Variants in PNPLA7 observed in about 807,000 individuals in gnomAD.
The protein encoded by PNPLA7 is patatin-like phospholipase domain-containing protein 7.
PNPLA7 carries 153 observed loss-of-function variants against 161.7 expected under a neutral mutation model. That is an observed-to-expected ratio of 0.95 (90% CI 0.83 to 1.08). The LOEUF is 1.08. Among genes scored for constraint, PNPLA7 ranks in the 50% least tolerant of loss-of-function variants. PNPLA7 has a pLI of 0.00. For synonymous variants in PNPLA7, 809 were observed against 782.1 expected (o/e 1.03, Z -0.57); for missense variants, 1,739 against 1,856.6 (o/e 0.94, Z 1.16).
chr9:137,508,992 C>T (rs1273336299), intron 12 of PNPLA7: 1 of 152,398 alleles, frequency 6.6e-6, no homozygotes, highest in African/African-American at 2.4e-5. Flanking sequence ...AGGCAGCCTC[C>T]ACTGCACGCC....
intron 25 of PNPLA7, among the ~76,000 whole-genome samples, chr9:137,477,442 A>G (rs1831990265): frequency 6.6e-6 from 1 of 152,192 alleles, no homozygotes; most frequent in South Asian, 2.1e-4. Context: ...GCAAAGGGCC[A>G]ACAAGCAACC....
Position 137,463,471 on chromosome 9 carries a change from C to A in PNPLA7, c.3287G>T (p.Cys1096Phe). The A allele has an allele frequency of 6.3e-7, 1 of 1,595,444 alleles. No individual in the cohort carries two copies. ...MSLSGYMPPL[C>F]DPKDGHLLMD... Reference sequence around the variant, plus strand: ...CAGCAGGTGTCCGTCCTTCGGGTCACAGAGAGGGGGCATGTAACCGGACAG... The same window carrying A: ...CAGCAGGTGTCCGTCCTTCGGGTCAAAGAGAGGGGGCATGTAACCGGACAG... Residue 1096 changes from cysteine to phenylalanine, a missense_variant, in exon 29 of 35, where the codon TGT (cysteine) becomes TTT (phenylalanine). Cys to Phe is a radical substitution (Grantham distance 205). Around this residue, in one of 6 missense-constraint regions of PNPLA7, gnomAD observed 703 missense variants for 694.6 expected, o/e 1.01. Transcript: ENST00000406427.
intron 8 of PNPLA7, among the ~76,000 whole-genome samples, chr9:137,526,536 C>G (rs1027827148): frequency 6.6e-6 from 1 of 152,198 alleles, no homozygotes; most frequent in Non-Finnish European, 1.5e-5. Context: ...CTCAGCCTCC[C>G]AAAGTGCTGG....
chr9:137,530,962 G>A (rs934851726), intron 8 of PNPLA7, among the ~76,000 whole-genome samples: 1 of 152,134 alleles, frequency 6.6e-6, no homozygotes, highest in Non-Finnish European at 1.5e-5. Context: ...GGCCTGCTGC[G>A]GGCCCCGCAC....
At chr9:137,503,931 AGAAGAAGAAG>A (rs1833728912) in intron 14 of PNPLA7, among the ~76,000 whole-genome samples, 2 of 3,696 alleles carry the variant, frequency 5.4e-4, no homozygotes, top group Non-Finnish European at 1.2e-3. Context: ...AGAAGAAGGA[AGAAGAAGAAG>A]GAAGAATGAA....
Position 137,493,038 on chromosome 9 carries a change from G to C in PNPLA7, c.2172C>G (p.Gly724=). The change falls in exon 20 of 35, where the codon GGC becomes GGG. Residue 724 remains glycine (G), a synonymous_variant. Transcript: ENST00000406427. ...CTGTCACAGGTCCCTGCTGGAGGCT[G>C]CCCAGGATCTTCTCACCCAAGAGAT... ...LIHLLGEKIL[G]SLQQGPVTGH... The C allele has an allele frequency of 6.2e-7, 1 of 1,613,826 alleles. No homozygotes were observed. The highest frequency in any genetic ancestry group is 8.5e-7 in the Non-Finnish European group (1 of 1,179,998).
rs944084095 is a variant in PNPLA7, at chr9:137,541,046, C to T, written c.667-324G>A. Among the ~76,000 whole-genome samples, 8 of 152,186 alleles carry T rather than the reference C, an allele frequency of 5.3e-5. No individual in the cohort carries two copies. The highest frequency in any genetic ancestry group is 2.1e-4 in the South Asian group (1 of 4,830). ...GAGCTAACTATAAGGACTCCGAGGA[C>T]CGATTCAGTTATTACCAGCCTAAAT... On this transcript the variant is annotated intron_variant, in intron 7 of 34. Transcript: ENST00000406427. The surrounding 1 kb of genome is among the most constrained non-coding windows in gnomAD (Gnocchi z 4.4).
Position 137,462,293 on chromosome 9 carries a change from G to C in PNPLA7, c.3531C>G (p.Tyr1177Ter), listed in dbSNP as rs749162838. The C allele has an allele frequency of 4.3e-6, 7 of 1,611,464 alleles. No individual in the cohort carries two copies. Among genetic ancestry groups the C allele is most frequent in the Non-Finnish European group, 5.9e-6 (7 of 1,179,114 alleles). ...CCTCCAGCTGCCGCACGCAACACAC[G>C]TAGGCCAGGCGCGTCTGAATCTCTG... ...NMAEIQTRLA[Y>*]VCCVRQLEVV... The change falls in exon 31 of 35, where the codon TAC becomes TAG. Residue 1177 changes from tyrosine to a stop codon, truncating the protein, a stop_gained. Coordinates refer to ENST00000406427, the MANE Select transcript of PNPLA7 (RefSeq NM_001098537.3). LOFTEE classifies it high-confidence loss of function.
At position 137,547,805 on chromosome 9, in the gene PNPLA7, C is replaced by CG; in HGVS notation, c.31-147dup. 1.3e-6 allele frequency: 1 copy of CG among 762,034 alleles called. No homozygotes were observed. The highest frequency in any genetic ancestry group is 2.2e-6 in the Non-Finnish European group (1 of 455,854). 47.2% of individuals were successfully genotyped at this position (762,034 alleles called of 1,614,324 possible). The stretch of plus-strand genomic sequence containing the variant: ...GAAGAAGTGATCTCGCCCGGGGTGC[C>CG]GGGGTCCTCTGAGCCCCCTGCTAGG... On this transcript the variant is annotated intron_variant, in intron 1 of 34. Transcript: ENST00000406427. The surrounding 1 kb of genome is among the most constrained non-coding windows in gnomAD (Gnocchi z 4.6).
chr9:137,462,280 G>T lies in PNPLA7; in HGVS notation c.3544C>A (p.Arg1182=). 6.2e-7 allele frequency: 1 copy of T among 1,611,808 alleles called. No homozygotes were observed. Residue 1182 remains arginine, a synonymous_variant, in exon 31 of 35, where the codon CGG becomes AGG. Coordinates refer to ENST00000406427, the MANE Select transcript of PNPLA7 (RefSeq NM_001098537.3). ...QTRLAYVCCV[R]QLEVVKSSDY... is the part of the protein sequence containing the mutation. ...CTGCTCTTCACCACCTCCAGCTGCC[G>T]CACGCAACACACGTAGGCCAGGCGC... is the stretch of plus-strand genomic sequence containing the variant.
chr9:137,540,707 C>G lies in PNPLA7; in HGVS notation c.682G>C (p.Val228Leu), dbSNP rs1836149925. 1.2e-6 allele frequency: 2 copies of G among 1,611,036 alleles called. No individual in the cohort carries two copies. The change falls in exon 8 of 35, where the codon GTG (valine) becomes CTG (leucine). Residue 228 changes from valine (V) to leucine (L), a missense_variant. By Grantham distance (32) the Val-to-Leu change is conservative. Around this residue, in one of 6 missense-constraint regions of PNPLA7, gnomAD observed 152 missense variants for 193.5 expected, o/e 0.79. Transcript: ENST00000406427. The surrounding 1 kb of genome is among the most constrained non-coding windows in gnomAD (Gnocchi z 5.1). ...TCTCCCGCCAGAACCTCTTTCACCA[C>G]CACCTCGGTGCCGTCCTGCGCTTGG... Reference protein sequence around the residue: ...CIQDTDGTEVVVKEVLAGDSV... With the variant: ...CIQDTDGTEVLVKEVLAGDSV...
In PNPLA7 at chr9:137,464,118, G is replaced by A. The variant is rs1831352201; in HGVS notation, c.3226+8C>T. On this transcript the variant is annotated splice_region_variant and intron_variant, in intron 28 of 34. Transcript: ENST00000406427. ...CAAGCGGCCGCCCTGCGCAGCAGGA[G>A]TGCTCACCGTCGGTGTGGACCCGCA... 3.1e-6 allele frequency: 5 copies of A among 1,613,136 alleles called. No individual in the cohort carries two copies. Among genetic ancestry groups the A allele is most frequent in the Non-Finnish European group, 4.2e-6 (5 of 1,179,776 alleles).
At position 137,461,632 on chromosome 9, in the gene PNPLA7, G is replaced by C. The variant is rs773165166; in HGVS notation, c.3757-12C>G. Reference sequence around the variant, plus strand: ...GGACAGGTGAGGACCTAGGGGTGGGGTGAGGACAGCACGTTGCCTGTGGAC... The same window carrying C: ...GGACAGGTGAGGACCTAGGGGTGGGCTGAGGACAGCACGTTGCCTGTGGAC... On this transcript the variant is annotated splice_polypyrimidine_tract_variant and intron_variant, in intron 32 of 34. Coordinates refer to ENST00000406427, the MANE Select transcript of PNPLA7 (RefSeq NM_001098537.3). The C allele has an allele frequency of 6.2e-7, 1 of 1,603,094 alleles. No individual in the cohort carries two copies. The highest frequency in any genetic ancestry group is 2.2e-5 in the East Asian group (1 of 44,640).
rs749162838 is a variant in PNPLA7 at position 137,462,293 on chromosome 9, G to T, written c.3531C>A (p.Tyr1177Ter). 6.2e-7 allele frequency: 1 copy of T among 1,611,464 alleles called. No individual in the cohort carries two copies. The highest frequency in any genetic ancestry group is 1.3e-5 in the African/African-American group (1 of 75,028). Reference sequence around the variant, plus strand: ...CCTCCAGCTGCCGCACGCAACACACGTAGGCCAGGCGCGTCTGAATCTCTG... The same window carrying T: ...CCTCCAGCTGCCGCACGCAACACACTTAGGCCAGGCGCGTCTGAATCTCTG... ...NMAEIQTRLA[Y>*]VCCVRQLEVV... The change falls in exon 31 of 35, where the codon TAC (tyrosine) becomes TAA (stop). Residue 1177 changes from tyrosine (Y) to a stop codon, truncating the protein, a stop_gained. Coordinates refer to ENST00000406427, the MANE Select transcript of PNPLA7 (RefSeq NM_001098537.3). LOFTEE classifies it high-confidence loss of function.
At position 137,519,982 on chromosome 9, in the gene PNPLA7, T is replaced by C. The variant is rs770502635; in HGVS notation, c.1019A>G (p.Gln340Arg). ...CCGCTCTTCTTCGCCATAGAACACC[T>C]GCTTCTTGGCCTTCCCGGCAGCCAC... ...ASVAAGKAKK[Q>R]VFYGEEERLK... is the part of the protein sequence containing the mutation. The change falls in exon 11 of 35, where the codon CAG becomes CGG. Residue 340 changes from glutamine to arginine, a missense_variant. Physicochemically the swap from Gln to Arg is conservative, Grantham distance 43. Transcript: ENST00000406427. The C allele has an allele frequency of 6.2e-7, 1 of 1,612,882 alleles. No homozygotes were observed.
chr9:137,461,338 TG>T, intron 33 of PNPLA7, 197 bp downstream of exon 33: 1 of 536,954 alleles, frequency 1.9e-6, no homozygotes, highest in Non-Finnish European at 3.3e-6. Flanking sequence ...TGACCCGGGG[TG>T]GTCACAGTCC....
chr9:137,515,627 A>G, intron 11 of PNPLA7, 108 bp from the exon 12 acceptor site: 3 of 1,338,940 alleles, frequency 2.2e-6, no homozygotes, highest in Non-Finnish European at 3.0e-6. Flanking sequence ...TGCCCTGCGC[A>G]CCTGAACGCG....
At position 137,522,723 on chromosome 9, in the gene PNPLA7, A is replaced by G. The variant is rs199793512; in HGVS notation, c.876+6T>C. ...GCTAGAAGAGTTGTCTGAAAAAGTGACTCACCTGCACCACCCTCACCAGAG... is the reference window on the plus strand; with the variant it reads ...GCTAGAAGAGTTGTCTGAAAAAGTGGCTCACCTGCACCACCCTCACCAGAG... On this transcript the variant is annotated splice_donor_region_variant and intron_variant, in intron 9 of 34. Coordinates refer to ENST00000406427, the MANE Select transcript of PNPLA7 (RefSeq NM_001098537.3). 706 of 1,613,050 alleles carry G rather than the reference A, an allele frequency of 4.4e-4. 1 individual carries two copies. The highest frequency in any genetic ancestry group is 5.7e-4 in the Non-Finnish European group (667 of 1,179,670).
In PNPLA7 at chr9:137,505,776, G is replaced by A. The variant is rs372468512; in HGVS notation, c.1327-16C>T. ...TTTTCCTGGACTGGAGAAGAACGGA[G>A]ATACCGGCAATTCGAAGGGATGTGG... is the stretch of plus-strand genomic sequence containing the variant. On this transcript the variant is annotated splice_polypyrimidine_tract_variant and intron_variant, in intron 13 of 34. Coordinates refer to ENST00000406427, the MANE Select transcript of PNPLA7 (RefSeq NM_001098537.3). 5 of 1,612,960 alleles carry A rather than the reference G, an allele frequency of 3.1e-6. No homozygotes were observed. The Admixed American group carries it at 8.3e-5, about 27-fold the overall frequency.
Sources: allele counts gnomAD v4.1 joint callset (sites outside exome capture counted in the v4.1 genomes callset), GRCh38; gene constraint gnomAD v4.1.1; regional missense constraint gnomAD v4.1.1; non-coding constraint Gnocchi (gnomAD v3.1); transcripts MANE v1.5; gene names NCBI Gene and HGNC (gene_info 2026-07-23, HGNC 2026-07-21).